Variants in C1orf21 observed in about 807,000 individuals in gnomAD.
C1orf21 encodes chromosome 1 open reading frame 21.
C1orf21 carries 3 observed loss-of-function variants against 18.7 expected under a neutral mutation model. That is an observed-to-expected ratio of 0.16 (90% CI 0.07 to 0.42). The LOEUF is 0.42. Ranked by LOEUF, C1orf21 falls within the 10% of genes least tolerant of loss-of-function variation. The pLI, the probability that C1orf21 is intolerant of heterozygous loss-of-function variation, is 0.99. For synonymous variants in C1orf21, 41 were observed against 46.4 expected (o/e 0.88, Z 0.47); for missense variants, 104 against 143.6 (o/e 0.72, Z 1.41).
At chr1:184,404,961 G>A (rs1656221920) in intron 1 of C1orf21, among the ~76,000 whole-genome samples, 1 of 152,034 alleles carries the variant, frequency 6.6e-6, no homozygotes, top group South Asian at 2.1e-4. Flanking sequence ...AGATTACCCT[G>A]GACATTAAAA....
intron 1 of C1orf21, among the ~76,000 whole-genome samples, chr1:184,444,005 C>T (rs11802306): frequency 0.3 from 45,701 of 151,680 alleles, 9,049 homozygotes; most frequent in African/African-American, 0.57. Flanking sequence ...AATTATAAGA[C>T]TCTTGCCTAG....
chr1:184,459,317 C>CAAA (rs1657267449), intron 1 of C1orf21, among the ~76,000 whole-genome samples: 2 of 152,142 alleles, frequency 1.3e-5, no homozygotes, highest in Non-Finnish European at 2.9e-5. Flanking sequence ...AAGTCGGACT[C>CAAA]TTTTAAGATT....
In C1orf21 at chr1:184,619,572, T is replaced by C. The variant is rs747444504; in HGVS notation, c.*16T>C. ...TATCACATAGCACCAATTTTACCAC[T>C]CAAACCAGGAGCTACTACTGTGTAA... On this transcript the variant is annotated 3_prime_UTR_variant, in exon 6 of 6. Transcript: ENST00000235307. 5.6e-6 allele frequency: 9 copies of C among 1,612,892 alleles called. No individual in the cohort carries two copies. Among genetic ancestry groups the C allele is most frequent in the Non-Finnish European group, 7.6e-6 (9 of 1,179,270 alleles).
chr1:184,534,962 G>T (rs1383747661), intron 3 of C1orf21, among the ~76,000 whole-genome samples: 6 of 152,142 alleles, frequency 3.9e-5, no homozygotes, highest in Admixed American at 3.3e-4. Flanking sequence ...GCAAAGAGGA[G>T]CAGTGAGGGG....
intron 5 of C1orf21, among the ~76,000 whole-genome samples, chr1:184,615,394 G>A (rs1659805997): frequency 6.6e-6 from 1 of 152,142 alleles, no homozygotes; most frequent in African/African-American, 2.4e-5. Flanking sequence ...TGTTCTCCCA[G>A]CTTTCGAGGG....
chr1:184,390,112 C>A (rs556474328), intron 1 of C1orf21, among the ~76,000 whole-genome samples: 2 of 152,276 alleles, frequency 1.3e-5, no homozygotes, highest in South Asian at 4.1e-4. Context: ...ATTGGTGAAA[C>A]CTCACTGTCT....
chr1:184,557,983 A>T (rs1321335099), intron 3 of C1orf21, among the ~76,000 whole-genome samples: 1 of 152,138 alleles, frequency 6.6e-6, no homozygotes, highest in Non-Finnish European at 1.5e-5. Flanking sequence ...AACAGGTTTC[A>T]TTGTGATAAA....
intron 1 of C1orf21, among the ~76,000 whole-genome samples, chr1:184,467,938 C>T (rs1657427972): frequency 6.6e-6 from 1 of 151,872 alleles, no homozygotes; most frequent in Non-Finnish European, 1.5e-5. Flanking sequence ...ACAAAAATCA[C>T]AAAATACTGG....
chr1:184,571,253 C>T (rs1233887035), intron 3 of C1orf21, among the ~76,000 whole-genome samples: 1 of 147,590 alleles, frequency 6.8e-6, no homozygotes, highest in Non-Finnish European at 1.5e-5. Context: ...GCCGAGATCC[C>T]GCCACTGCAC....
chr1:184,440,619 A>C (rs145558257), intron 1 of C1orf21, among the ~76,000 whole-genome samples: 1 of 152,236 alleles, frequency 6.6e-6, no homozygotes, highest in East Asian at 1.9e-4. Flanking sequence ...TGATTCTAAA[A>C]GCTCCTTTGA....
At chr1:184,472,881 G>C (rs781527556) in intron 1 of C1orf21, among the ~76,000 whole-genome samples, 9 of 152,190 alleles carry the variant, frequency 5.9e-5, no homozygotes, top group Non-Finnish European at 1.3e-4. Context: ...GCACCTTGAG[G>C]TACGGTGTAA....
chr1:184,428,313 C>T (rs976092528), intron 1 of C1orf21, among the ~76,000 whole-genome samples: 2 of 152,174 alleles, frequency 1.3e-5, no homozygotes, highest in South Asian at 2.1e-4. Flanking sequence ...AACAAATGTG[C>T]TGCATGGAAA....
chr1:184,498,971 C>T (rs1356837616), intron 2 of C1orf21, among the ~76,000 whole-genome samples: 1 of 152,202 alleles, frequency 6.6e-6, no homozygotes, highest in Non-Finnish European at 1.5e-5. Flanking sequence ...ATGATGGAGA[C>T]ATTAATGGTT....
intron 1 of C1orf21, among the ~76,000 whole-genome samples, chr1:184,438,556 G>C (rs1571357667): frequency 1.3e-5 from 2 of 152,290 alleles, no homozygotes; most frequent in East Asian, 3.9e-4. Flanking sequence ...GGAGTAAATA[G>C]ACAAGGTTGC....
intron 2 of C1orf21, among the ~76,000 whole-genome samples, chr1:184,493,095 A>T (rs138407592): frequency 6.1e-4 from 93 of 152,360 alleles, no homozygotes; most frequent in African/African-American, 2.1e-3. Context: ...TATTAAGTAT[A>T]TATAAAATTC....
At chr1:184,616,578 T>C (rs1659826829) in intron 5 of C1orf21, among the ~76,000 whole-genome samples, 1 of 152,222 alleles carries the variant, frequency 6.6e-6, no homozygotes, top group Admixed American at 6.5e-5. Context: ...TTTACTGTGG[T>C]TTGAAATGGT....
intron 3 of C1orf21, among the ~76,000 whole-genome samples, chr1:184,539,001 C>A (rs2101976659): frequency 6.6e-6 from 1 of 152,214 alleles, no homozygotes; most frequent in East Asian, 1.9e-4. Flanking sequence ...CTTTTTCTTG[C>A]CTAATTGCTC....
chr1:184,525,908 G>T (rs1283158030), intron 3 of C1orf21, among the ~76,000 whole-genome samples: 1 of 152,044 alleles, frequency 6.6e-6, no homozygotes, highest in Admixed American at 6.5e-5. Context: ...ACTTCATTCT[G>T]CTGTAGATGG....
intron 3 of C1orf21, among the ~76,000 whole-genome samples, chr1:184,548,960 C>T (rs1390948869): frequency 6.6e-6 from 1 of 152,146 alleles, no homozygotes. Context: ...ATATATTACT[C>T]TATCACAATT....
Sources: allele counts gnomAD v4.1 joint callset (sites outside exome capture counted in the v4.1 genomes callset), GRCh38; gene constraint gnomAD v4.1.1; transcripts MANE v1.5; gene names NCBI Gene and HGNC (gene_info 2026-07-23, HGNC 2026-07-21).